Variants in MAPRE3 observed in about 807,000 individuals in gnomAD.
MAPRE3 encodes microtubule associated protein RP/EB family member 3, also known as microtubule-associated protein RP/EB family member 3.
In MAPRE3, 2 loss-of-function variants were observed where a neutral mutation model predicts 30.5. The observed-to-expected ratio is 0.07, with a 90% CI of 0.03 to 0.21. The LOEUF (loss-of-function observed/expected upper bound fraction) is 0.21. MAPRE3 is among the 10% of genes least tolerant of loss of function. The pLI is 1.00. For synonymous variants in MAPRE3, 110 were observed against 127.7 expected (o/e 0.86, Z 0.93); for missense variants, 204 against 351.8 (o/e 0.58, Z 3.36).
intron 1 of MAPRE3, among the ~76,000 whole-genome samples, chr2:26,971,280 C>A (rs1397940350): frequency 1.3e-5 from 2 of 152,236 alleles, no homozygotes; most frequent in African/African-American, 4.8e-5. Context: ...TCGGGCCAGG[C>A]CCAGCCTGGG....
chr2:26,987,867 G>A (rs1666255260), intron 1 of MAPRE3, among the ~76,000 whole-genome samples: 1 of 152,288 alleles, frequency 6.6e-6, no homozygotes, highest in South Asian at 2.1e-4. Flanking sequence ...AGAAATTATG[G>A]TGCATGCCTC....
rs1335938741 is a variant in MAPRE3 at position 27,023,338 on chromosome 2, C to A, written c.128C>A (p.Ala43Asp). 5.6e-6 allele frequency: 9 copies of A among 1,602,250 alleles called. No homozygotes were observed. The highest frequency in any genetic ancestry group is 7.7e-6 in the Non-Finnish European group (9 of 1,170,160). The change falls in exon 3 of 7, where the codon GCC becomes GAC. Residue 43 changes from alanine to aspartate, a missense_variant. Physicochemically the swap from Ala to Asp is moderately radical, Grantham distance 126. Coordinates refer to ENST00000233121, the MANE Select transcript of MAPRE3 (RefSeq NM_012326.4). ...TKIEQLCSGA[A>D]YCQFMDMLFP... ...CAGCCATCCTTCTCCACAGGGGCAG[C>A]CTACTGCCAGTTCATGGACATGCTC...
chr2:27,005,166 C>G (rs1327371286), intron 1 of MAPRE3, among the ~76,000 whole-genome samples: 1 of 152,066 alleles, frequency 6.6e-6, no homozygotes, highest in African/African-American at 2.4e-5. Flanking sequence ...ATTCCCTGCC[C>G]AAGGAAGTAG....
At chr2:26,981,067 G>A (rs927692550) in intron 1 of MAPRE3, among the ~76,000 whole-genome samples, 1 of 152,140 alleles carries the variant, frequency 6.6e-6, no homozygotes, top group African/African-American at 2.4e-5. Flanking sequence ...TTGCTGAGGT[G>A]GGGGAGGGAG....
intron 1 of MAPRE3, among the ~76,000 whole-genome samples, chr2:26,977,854 A>G (rs189866442): frequency 6.2e-4 from 94 of 152,302 alleles, no homozygotes; most frequent in African/African-American, 2.1e-3. Flanking sequence ...CCTGCCTTCA[A>G]CCAGTGGTGG....
intron 1 of MAPRE3, among the ~76,000 whole-genome samples, chr2:26,998,666 A>C (rs946317895): frequency 3.9e-5 from 6 of 152,192 alleles, no homozygotes; most frequent in African/African-American, 1.4e-4. Context: ...AGAAATAGAC[A>C]TACTTCTGTG....
At chr2:27,024,346 GC>G in intron 4 of MAPRE3, 49 bp downstream of exon 4, 3 of 1,554,218 alleles carry the variant, frequency 1.9e-6, no homozygotes, top group Non-Finnish European at 2.6e-6. Context: ...GGGCCGGCAG[GC>G]CTCTATAGCC....
intron 1 of MAPRE3, among the ~76,000 whole-genome samples, chr2:27,010,360 G>T (rs1007463662): frequency 2.0e-5 from 3 of 152,116 alleles, no homozygotes; most frequent in Non-Finnish European, 4.4e-5. Flanking sequence ...TCTAGAACTT[G>T]AGGGTAGGAT....
At chr2:26,991,080 C>T (rs1056058452) in intron 1 of MAPRE3, among the ~76,000 whole-genome samples, 5 of 152,250 alleles carry the variant, frequency 3.3e-5, no homozygotes, top group Admixed American at 6.5e-5. Flanking sequence ...GGTGAAACCC[C>T]GTCTCTACTA....
intron 1 of MAPRE3, among the ~76,000 whole-genome samples, chr2:26,995,816 T>TGTGTGTGC: frequency 6.7e-6 from 1 of 150,276 alleles, no homozygotes; most frequent in African/African-American, 2.4e-5. Flanking sequence ...TGTGTGTGTG[T>TGTGTGTGC]GTGTGTGTGT....
At chr2:27,018,895 T>TTTTATTTATTTATTTATTTATTTA (rs143408252) in intron 1 of MAPRE3, among the ~76,000 whole-genome samples, 58 of 146,946 alleles carry the variant, frequency 3.9e-4, no homozygotes, top group African/African-American at 1.2e-3. Flanking sequence ...GCACACACAT[T>TTTTATTTATTTATTTATTTATTTA]TTTATTTATT....
intron 4 of MAPRE3, among the ~76,000 whole-genome samples, 155 bp from the exon 5 acceptor site, chr2:27,025,428 G>T (rs1667215113): frequency 1.3e-5 from 2 of 152,196 alleles, no homozygotes; most frequent in South Asian, 4.1e-4. Flanking sequence ...AAGACTCGGG[G>T]CCTAGCTGTA....
intron 1 of MAPRE3, among the ~76,000 whole-genome samples, chr2:26,972,239 C>T (rs566214161): frequency 5.9e-5 from 9 of 152,290 alleles, no homozygotes; most frequent in South Asian, 2.1e-4. Flanking sequence ...GTAAAAGGAA[C>T]GCATGGTCCA....
chr2:26,991,706 A>G (rs1666347420), intron 1 of MAPRE3, among the ~76,000 whole-genome samples: 1 of 152,124 alleles, frequency 6.6e-6, no homozygotes, highest in Non-Finnish European at 1.5e-5. Flanking sequence ...TCCTGTAATC[A>G]TGAGATTGCC....
intron 4 of MAPRE3, among the ~76,000 whole-genome samples, chr2:27,024,946 C>T (rs1045050787): frequency 2.6e-5 from 4 of 152,158 alleles, no homozygotes; most frequent in African/African-American, 7.2e-5. Context: ...CTGCCTGGGC[C>T]TGCCCCACTC....
intron 1 of MAPRE3, among the ~76,000 whole-genome samples, chr2:27,008,372 T>G (rs987600530): frequency 6.6e-6 from 1 of 152,176 alleles, no homozygotes; most frequent in Admixed American, 6.5e-5. Flanking sequence ...GAGGATCGCT[T>G]GAGCCTAGAA....
intron 1 of MAPRE3, among the ~76,000 whole-genome samples, chr2:26,971,404 G>A (rs945183770): frequency 6.6e-6 from 1 of 152,196 alleles, no homozygotes; most frequent in East Asian, 1.9e-4. Context: ...ATTTGGCTGG[G>A]AAGGGTTCAG....
intron 1 of MAPRE3, among the ~76,000 whole-genome samples, chr2:26,998,942 G>A (rs1228946169): frequency 2.0e-5 from 3 of 152,216 alleles, no homozygotes; most frequent in Admixed American, 1.3e-4. Flanking sequence ...CCTATAGCCT[G>A]TCACAGCACT....
intron 1 of MAPRE3, among the ~76,000 whole-genome samples, chr2:26,991,997 T>C (rs549622367): frequency 6.6e-6 from 1 of 152,318 alleles, no homozygotes; most frequent in South Asian, 2.1e-4. Context: ...ATATACTTTG[T>C]GCCAGATTCC....
Sources: allele counts gnomAD v4.1 joint callset (sites outside exome capture counted in the v4.1 genomes callset), GRCh38; gene constraint gnomAD v4.1.1; transcripts MANE v1.5; gene names NCBI Gene and HGNC (gene_info 2026-07-23, HGNC 2026-07-21).